Variants in UBASH3B observed in about 807,000 individuals in gnomAD.
UBASH3B encodes the protein ubiquitin-associated and SH3 domain-containing protein B.
In UBASH3B, 37 loss-of-function variants were observed where a neutral mutation model predicts 83.4. That is an observed-to-expected ratio of 0.44 (90% CI 0.34 to 0.58). The LOEUF (loss-of-function observed/expected upper bound fraction) is 0.58, where lower values mean the gene tolerates loss of function less well. UBASH3B is among the 20% of genes least tolerant of loss of function. The pLI, the probability that UBASH3B is intolerant of heterozygous loss-of-function variation, is 0.01. For missense variants in UBASH3B, 657 were observed against 827.2 expected, an observed-to-expected ratio of 0.79 and a Z score of 2.52; for synonymous variants, 304 against 318.3, an observed-to-expected ratio of 0.96 and a Z score of 0.48.
At chr11:122,785,766 G>A (rs571492182) in intron 5 of UBASH3B, among the ~76,000 whole-genome samples, 6 of 152,284 alleles carry the variant, frequency 3.9e-5, no homozygotes, top group African/African-American at 1.4e-4. Flanking sequence ...TCTGTAAAAT[G>A]GTGACAATGT....
chr11:122,712,650 G>C (rs1350393597), intron 1 of UBASH3B, among the ~76,000 whole-genome samples: 1 of 152,042 alleles, frequency 6.6e-6, no homozygotes, highest in Non-Finnish European at 1.5e-5. Flanking sequence ...TGACTAGCTG[G>C]GAGGCAAGAG....
At position 122,806,134 on chromosome 11, in the gene UBASH3B, A is replaced by G. The variant is rs1010817805; in HGVS notation, c.1596-276A>G. On this transcript the variant is annotated intron_variant, in intron 11 of 13. Transcript: ENST00000284273. The surrounding 1 kb of genome is among the most constrained non-coding windows in gnomAD (Gnocchi z 4.0). ...GACTAGGACCATCCATCAATGGCTTATTTGTTATCCCGAGAGTGAAACATG... is the reference window on the plus strand; with the variant it reads ...GACTAGGACCATCCATCAATGGCTTGTTTGTTATCCCGAGAGTGAAACATG... Among the ~76,000 whole-genome samples, 1 of 150,298 alleles carries G rather than the reference A, an allele frequency of 6.7e-6. No individual in the cohort carries two copies. The highest frequency in any genetic ancestry group is 1.5e-5 in the Non-Finnish European group (1 of 68,024).
chr11:122,758,294 T>G lies in UBASH3B; in HGVS notation c.162-17925T>G, dbSNP rs951831765. Among the ~76,000 whole-genome samples the G allele has an allele frequency of 5.3e-5, 8 of 152,136 alleles. No individual in the cohort carries two copies. Among genetic ancestry groups the G allele is most frequent in the Non-Finnish European group, 1.0e-4 (7 of 68,024 alleles). ...ATTTATAATATGTAAAGTACTCCCA[T>G]AAAGGGGGATGCAGTAAATAATTTC... On this transcript the variant is annotated intron_variant, in intron 1 of 13. Coordinates refer to ENST00000284273, the MANE Select transcript of UBASH3B (RefSeq NM_032873.5). This position sits in a 1 kb window ranked among gnomAD's most constrained non-coding sequence, Gnocchi z 4.2.
intron 1 of UBASH3B, among the ~76,000 whole-genome samples, chr11:122,753,715 G>A (rs1324423891): frequency 1.3e-5 from 2 of 151,658 alleles, no homozygotes; most frequent in Admixed American, 6.6e-5. Context: ...GGCTGGTCTC[G>A]AACTCCTGAT....
chr11:122,800,055 G>T (rs974393555), intron 10 of UBASH3B, among the ~76,000 whole-genome samples: 1 of 152,080 alleles, frequency 6.6e-6, no homozygotes. Context: ...AACTAAGCAG[G>T]GACTATTTCT....
intron 1 of UBASH3B, among the ~76,000 whole-genome samples, chr11:122,730,921 G>A (rs891895334): frequency 7.9e-5 from 12 of 152,180 alleles, no homozygotes; most frequent in Non-Finnish European, 1.5e-4. Flanking sequence ...TTCACCTTCT[G>A]TCCTTGTCTT....
chr11:122,672,832 G>C (rs1863616448), intron 1 of UBASH3B, among the ~76,000 whole-genome samples: 1 of 152,138 alleles, frequency 6.6e-6, no homozygotes, highest in Admixed American at 6.5e-5. Flanking sequence ...TTGGAGTCAG[G>C]AGCATACCTA....
Position 122,782,953 on chromosome 11 carries a change from G to T in UBASH3B, c.602-100G>T, listed in dbSNP as rs1439300280. 3.2e-5 allele frequency: 45 copies of T among 1,387,296 alleles called. No homozygotes were observed. The South Asian group carries it at 6.2e-4, about 19-fold the overall frequency. 85.9% of individuals were successfully genotyped at this position (1,387,296 alleles called of 1,614,324 possible). On this transcript the variant is annotated intron_variant, in intron 4 of 13. Coordinates refer to ENST00000284273, the MANE Select transcript of UBASH3B (RefSeq NM_032873.5). Reference sequence around the variant, plus strand: ...TTTTGTCTTCTTTGTTATGTGGGAAGCAGAATTTCTCAGGGTACCTTTCTA... The same window carrying T: ...TTTTGTCTTCTTTGTTATGTGGGAATCAGAATTTCTCAGGGTACCTTTCTA...
intron 1 of UBASH3B, among the ~76,000 whole-genome samples, chr11:122,688,954 T>G (rs1277408056): frequency 1.4e-5 from 2 of 139,256 alleles, no homozygotes; most frequent in African/African-American, 5.3e-5. Context: ...AATTTTTGTA[T>G]TTTTACTAGA....
chr11:122,683,239 C>T (rs1236127717), intron 1 of UBASH3B, among the ~76,000 whole-genome samples: 3 of 132,932 alleles, frequency 2.3e-5, no homozygotes, highest in Non-Finnish European at 4.7e-5. Flanking sequence ...GACCTTGTTT[C>T]AAAAAAAAAA....
chr11:122,787,907 G>A (rs910581520), intron 5 of UBASH3B, among the ~76,000 whole-genome samples: 3 of 152,114 alleles, frequency 2.0e-5, no homozygotes, highest in African/African-American at 7.2e-5. Flanking sequence ...AGCTTTCTCC[G>A]TCTTTGTGTC....
chr11:122,768,056 A>G (rs1249286507), intron 1 of UBASH3B, among the ~76,000 whole-genome samples: 2 of 152,202 alleles, frequency 1.3e-5, no homozygotes, highest in Non-Finnish European at 2.9e-5. Context: ...GTAATAGGAT[A>G]AAAATGACTG....
chr11:122,668,589 G>A (rs1003868890), intron 1 of UBASH3B, among the ~76,000 whole-genome samples: 2 of 152,148 alleles, frequency 1.3e-5, no homozygotes, highest in Non-Finnish European at 2.9e-5. Context: ...AAGAACAAGC[G>A]ATATTCTGCT....
chr11:122,778,399 G>A (rs1275970894), intron 3 of UBASH3B, among the ~76,000 whole-genome samples: 1 of 152,088 alleles, frequency 6.6e-6, no homozygotes, highest in Non-Finnish European at 1.5e-5. Flanking sequence ...TGATGTCACA[G>A]CTCTCTGGGA....
At chr11:122,710,326 C>T (rs772639914) in intron 1 of UBASH3B, among the ~76,000 whole-genome samples, 4 of 152,092 alleles carry the variant, frequency 2.6e-5, no homozygotes, top group Non-Finnish European at 4.4e-5. Flanking sequence ...GAGCAAGTCC[C>T]GGAGCGGGCT....
intron 1 of UBASH3B, among the ~76,000 whole-genome samples, chr11:122,725,458 G>A (rs1284071823): frequency 6.6e-6 from 1 of 152,056 alleles, no homozygotes; most frequent in Non-Finnish European, 1.5e-5. Context: ...AGGAGGCAAG[G>A]GTTTGGAAAA....
chr11:122,779,791 G>C, intron 4 of UBASH3B, 96 bp downstream of exon 4: 1 of 1,461,956 alleles, frequency 6.8e-7, no homozygotes, highest in Non-Finnish European at 9.4e-7. Flanking sequence ...GCAGGATGGG[G>C]TCAGGAGGTG....
intron 1 of UBASH3B, among the ~76,000 whole-genome samples, chr11:122,674,650 G>A (rs1245928954): frequency 6.6e-6 from 1 of 151,434 alleles, no homozygotes; most frequent in South Asian, 2.1e-4. Context: ...CAAAGTACTG[G>A]GATTATAGGC....
chr11:122,762,006 G>T (rs912162427), intron 1 of UBASH3B, among the ~76,000 whole-genome samples: 7 of 151,886 alleles, frequency 4.6e-5, no homozygotes, highest in African/African-American at 1.7e-4. Context: ...TGGCCAGGCT[G>T]GTCTCGAACT....
Sources: allele counts gnomAD v4.1 joint callset (sites outside exome capture counted in the v4.1 genomes callset), GRCh38; gene constraint gnomAD v4.1.1; non-coding constraint Gnocchi (gnomAD v3.1); transcripts MANE v1.5; gene names NCBI Gene and HGNC (gene_info 2026-07-23, HGNC 2026-07-21).